ATP8A2: variants seen among roughly 807,000 people sequenced by gnomAD.
ATP8A2 encodes the protein phospholipid-transporting ATPase IB.
In ATP8A2, 100 loss-of-function variants were observed where a neutral mutation model predicts 165.6. The ratio of observed to expected loss-of-function variants is 0.60; its 90% CI spans 0.51 to 0.71. The LOEUF (loss-of-function observed/expected upper bound fraction) is 0.71, where lower values mean the gene tolerates loss of function less well. Among genes scored for constraint, ATP8A2 ranks in the 30% least tolerant of loss-of-function variants. ATP8A2 has a pLI of 0.00. For missense variants in ATP8A2, 1,227 were observed against 1,479.5 expected (o/e 0.83, Z 2.80); for synonymous variants, 543 against 548.8 (o/e 0.99, Z 0.15).
At chr13:25,783,487 G>A (rs564641043) in intron 27 of ATP8A2, among the ~76,000 whole-genome samples, 2 of 152,304 alleles carry the variant, frequency 1.3e-5, no homozygotes, top group East Asian at 3.9e-4. Context: ...CCCTCCTCTT[G>A]GAATCAAATA....
intron 2 of ATP8A2, among the ~76,000 whole-genome samples, chr13:25,485,778 A>C (rs1033442885): frequency 6.6e-6 from 1 of 152,196 alleles, no homozygotes; most frequent in East Asian, 1.9e-4. Flanking sequence ...TAGTTCTCTT[A>C]ATGTTTAGTT....
chr13:25,760,503 A>G (rs920068045), intron 25 of ATP8A2, among the ~76,000 whole-genome samples: 3 of 152,182 alleles, frequency 2.0e-5, no homozygotes, highest in Non-Finnish European at 4.4e-5. Flanking sequence ...TTAACATCCA[A>G]CGTAAGAGGT....
At chr13:25,418,757 G>T (rs1025362838) in intron 1 of ATP8A2, among the ~76,000 whole-genome samples, 13 of 152,142 alleles carry the variant, frequency 8.5e-5, no homozygotes, top group African/African-American at 2.9e-4. Flanking sequence ...ACAATGAAAT[G>T]CTAGAATCAA....
At chr13:25,756,581 G>A (rs751621874) in intron 25 of ATP8A2, among the ~76,000 whole-genome samples, 5 of 152,182 alleles carry the variant, frequency 3.3e-5, no homozygotes, top group Non-Finnish European at 5.9e-5. Context: ...ACACTTGCTT[G>A]TGTTTAGTCT....
chr13:25,960,249 C>T (rs958740763), intron 33 of ATP8A2, among the ~76,000 whole-genome samples: 2 of 152,190 alleles, frequency 1.3e-5, no homozygotes, highest in Non-Finnish European at 2.9e-5. Context: ...TGCATTTGGC[C>T]GTCCAGCTGG....
intron 1 of ATP8A2, among the ~76,000 whole-genome samples, chr13:25,438,610 C>T (rs1417894690): frequency 3.3e-5 from 5 of 151,492 alleles, no homozygotes; most frequent in Non-Finnish European, 1.5e-5. Context: ...CAGTGCACTC[C>T]AGCCTGGGCA....
chr13:25,708,842 A>G (rs2043104245), intron 25 of ATP8A2, among the ~76,000 whole-genome samples: 1 of 152,242 alleles, frequency 6.6e-6, no homozygotes, highest in African/African-American at 2.4e-5. Flanking sequence ...AAATTTTGTC[A>G]GCAGGAGCTA....
chr13:26,009,883 T>C (rs11149420), intron 35 of ATP8A2, among the ~76,000 whole-genome samples: 21,528 of 152,148 alleles, frequency 0.14, 2,449 homozygotes, highest in East Asian at 0.54. Flanking sequence ...CTGGCCAACA[T>C]GGCAAAACCC....
chr13:25,501,199 A>G (rs969158210), intron 2 of ATP8A2, among the ~76,000 whole-genome samples: 13 of 152,302 alleles, frequency 8.5e-5, no homozygotes, highest in Admixed American at 3.3e-4. Flanking sequence ...AGAAAGGAGC[A>G]TCATCAAGAA....
chr13:25,477,431 G>C (rs1249718484), intron 2 of ATP8A2, among the ~76,000 whole-genome samples: 2 of 152,322 alleles, frequency 1.3e-5, no homozygotes, highest in Middle Eastern at 6.8e-3. Context: ...AGTAAGTACT[G>C]TGTGGGTCCC....
At chr13:25,683,690 C>CTT (rs574979200) in intron 24 of ATP8A2, among the ~76,000 whole-genome samples, 11 of 142,780 alleles carry the variant, frequency 7.7e-5, no homozygotes, top group South Asian at 4.5e-4. Flanking sequence ...CCATCATTTC[C>CTT]TTTTTTTTTT....
intron 25 of ATP8A2, among the ~76,000 whole-genome samples, chr13:25,721,390 G>T (rs1229363496): frequency 6.6e-6 from 1 of 151,960 alleles, no homozygotes; most frequent in Non-Finnish European, 1.5e-5. Context: ...TTTTTGCTTT[G>T]GTTGCCTGAC....
chr13:25,787,419 T>C (rs2045057434), intron 27 of ATP8A2, among the ~76,000 whole-genome samples: 1 of 152,234 alleles, frequency 6.6e-6, no homozygotes, highest in East Asian at 1.9e-4. Context: ...TGAGTGGTAT[T>C]CCATTGCATG....
At chr13:25,495,930 T>C (rs1383372080) in intron 2 of ATP8A2, among the ~76,000 whole-genome samples, 1 of 152,108 alleles carries the variant, frequency 6.6e-6, no homozygotes, top group African/African-American at 2.4e-5. Flanking sequence ...GAGAACAGGA[T>C]TCTTGCTCAT....
intron 33 of ATP8A2, among the ~76,000 whole-genome samples, chr13:25,958,268 C>T (rs548208810): frequency 2.0e-5 from 3 of 151,378 alleles, no homozygotes; most frequent in Non-Finnish European, 4.4e-5. Context: ...TGCATATGTT[C>T]TGCACATGTA....
intron 36 of ATP8A2, among the ~76,000 whole-genome samples, chr13:26,017,672 A>G (rs1324413): frequency 0.93 from 141,868 of 152,270 alleles, 66,876 homozygotes; most frequent in East Asian, 1. Context: ...TCGGTGCTTG[A>G]AAGCAGATCA....
At chr13:25,970,262 C>A (rs989265072) in intron 35 of ATP8A2, among the ~76,000 whole-genome samples, 1 of 152,140 alleles carries the variant, frequency 6.6e-6, no homozygotes, top group Non-Finnish European at 1.5e-5. Context: ...TTTTACAGGA[C>A]GACATCACAT....
In ATP8A2 at chr13:25,526,095, A is replaced by G. The variant is rs2037833309; in HGVS notation, c.222-3904A>G. On this transcript the variant is annotated intron_variant, in intron 2 of 36. Coordinates refer to ENST00000381655, the MANE Select transcript of ATP8A2 (RefSeq NM_016529.6). ...ATTCTCCTACTGACAGCCTCTAATG[A>G]GTTTTTCAGTTCCTCAAATACATTT... is the stretch of plus-strand genomic sequence containing the variant. Among the ~76,000 whole-genome samples, 3 of 151,682 alleles carry G rather than the reference A, an allele frequency of 2.0e-5. 1 individual carries two copies. The South Asian group carries it at 6.3e-4, about 32-fold the overall frequency.
chr13:25,591,722 A>G (rs1240519090), intron 24 of ATP8A2, among the ~76,000 whole-genome samples: 1 of 151,516 alleles, frequency 6.6e-6, no homozygotes, highest in East Asian at 2.0e-4. Context: ...AGCTGGGATT[A>G]CAGGCATGCG....
Sources: allele counts gnomAD v4.1 joint callset (sites outside exome capture counted in the v4.1 genomes callset), GRCh38; gene constraint gnomAD v4.1.1; transcripts MANE v1.5; gene names NCBI Gene and HGNC (gene_info 2026-07-23, HGNC 2026-07-21).